NFKB1: variants seen among roughly 807,000 people sequenced by gnomAD.
NFKB1 encodes nuclear factor kappa B subunit 1.
In NFKB1, 9 loss-of-function variants were observed where a neutral mutation model predicts 105.1. The ratio of observed to expected loss-of-function variants is 0.09; its 90% confidence interval spans 0.05 to 0.15. The LOEUF (loss-of-function observed/expected upper bound fraction) is 0.15. Among genes scored for constraint, NFKB1 ranks in the 10% least tolerant of loss-of-function variants. The pLI, the probability that NFKB1 is intolerant of heterozygous loss-of-function variation, is 1.00. For missense variants in NFKB1, 830 were observed against 1,203.7 expected (o/e 0.69, Z 4.59); for synonymous variants, 440 against 442.2 (o/e 1.00, Z 0.06).
rs1382519896 is a variant in NFKB1 at position 102,529,900 on chromosome 4, T to C, written c.104T>C (p.Met35Thr). The C allele has an allele frequency of 1.9e-6, 3 of 1,609,788 alleles. No individual in the cohort carries two copies. The highest frequency in any genetic ancestry group is 2.5e-6 in the Non-Finnish European group (3 of 1,177,126). The change falls in exon 3 of 24, where the codon ATG (methionine) becomes ACG (threonine). Residue 35 changes from methionine to threonine, a missense_variant. Transcript: ENST00000226574. The part of the protein sequence containing the change: ...IFNPEVFQPQ[M>T]ALPTADGPYL... ...AATCCAGAAGTATTTCAACCACAGA[T>C]GGCACTGCCAACAGGTAAGAAAACT...
intron 5 of NFKB1, 81 bp from the exon 6 acceptor site, chr4:102,566,906 A>C: frequency 6.9e-7 from 1 of 1,444,014 alleles, no homozygotes; most frequent in Non-Finnish European, 9.6e-7. Context: ...TACTTTTTAT[A>C]CTTACTGGCT....
At position 102,582,976 on chromosome 4, in the gene NFKB1, T is replaced by G. The variant is rs1410724559; in HGVS notation, c.927+19T>G. ...TAGACAAGTAAGTGATTTATTATTA[T>G]TATTAATCCTTATTATTTTTAGAGA... On this transcript the variant is annotated intron_variant, in intron 10 of 23. Coordinates refer to ENST00000226574, the MANE Select transcript of NFKB1 (RefSeq NM_003998.4). 6.7e-7 allele frequency: 1 copy of G among 1,497,362 alleles called. No individual in the cohort carries two copies. The highest frequency in any genetic ancestry group is 1.7e-5 in the Admixed American group (1 of 59,222). The allele number at this position is 1,497,362 out of a possible 1,614,324, so 92.8% of individuals were successfully genotyped here. A position where few individuals can be genotyped will look rare whatever the true frequency, so the allele number is the denominator to read the frequency against.
At chr4:102,610,459 C>A in intron 19 of NFKB1, 116 bp from the exon 20 acceptor site, 1 of 969,358 alleles carries the variant, frequency 1.0e-6, no homozygotes, top group Non-Finnish European at 1.5e-6. Flanking sequence ...TAAAAATTAT[C>A]CAGGAGATTG....
chr4:102,509,025 A>G lies in NFKB1; in HGVS notation c.-8+7237A>G, dbSNP rs1013399308. Among the ~76,000 whole-genome samples, 10 of 152,322 alleles carry G rather than the reference A, an allele frequency of 6.6e-5. No homozygotes were observed. In the East Asian group the frequency reaches 1.9e-3, roughly 29 times the overall value. ...GGCAGACATTTCATAATGGATTATCATATTTTTGCTAAACTGGTAAGAATG... is the reference window on the plus strand; with the variant it reads ...GGCAGACATTTCATAATGGATTATCGTATTTTTGCTAAACTGGTAAGAATG... On this transcript the variant is annotated intron_variant, in intron 1 of 23. Transcript: ENST00000226574.
chr4:102,590,527 C>A (rs775591287), intron 11 of NFKB1, among the ~76,000 whole-genome samples: 6 of 152,118 alleles, frequency 3.9e-5, no homozygotes, highest in African/African-American at 1.2e-4. Flanking sequence ...TCTCAATACT[C>A]GAAACTTTTC....
chr4:102,525,392 A>G (rs541640299), intron 1 of NFKB1, 120 bp from the exon 2 acceptor site: 1 of 842,906 alleles, frequency 1.2e-6, no homozygotes, highest in South Asian at 1.8e-5. Context: ...TCTTCAAAAA[A>G]GGATTATATT....
intron 5 of NFKB1, among the ~76,000 whole-genome samples, chr4:102,551,444 G>A (rs1722602223): frequency 6.6e-6 from 1 of 151,762 alleles, no homozygotes; most frequent in South Asian, 2.1e-4. Context: ...TCACCTCCTG[G>A]CTAGATAGTC....
intron 3 of NFKB1, among the ~76,000 whole-genome samples, chr4:102,533,519 G>A (rs1386872673): frequency 6.6e-6 from 1 of 152,166 alleles, no homozygotes; most frequent in Non-Finnish European, 1.5e-5. Context: ...AAAATGCTTT[G>A]TTAGGAGACA....
chr4:102,553,689 T>G (rs1722787028), intron 5 of NFKB1, among the ~76,000 whole-genome samples: 1 of 152,198 alleles, frequency 6.6e-6, no homozygotes, highest in Non-Finnish European at 1.5e-5. Flanking sequence ...TTGAAGCATT[T>G]CTGACATATC....
At chr4:102,580,722 C>T in intron 9 of NFKB1, 83 bp downstream of exon 9, 1 of 1,073,270 alleles carries the variant, frequency 9.3e-7, no homozygotes. Context: ...AGTCACATTT[C>T]AGCAGTGGAC....
chr4:102,530,063 C>T (rs959353850), intron 3 of NFKB1, 149 bp downstream of exon 3: 21 of 620,284 alleles, frequency 3.4e-5, no homozygotes, highest in Non-Finnish European at 5.4e-5. Flanking sequence ...AACATACTTT[C>T]TTGAAATATA....
At position 102,576,867 on chromosome 4, in the gene NFKB1, T is replaced by A. The variant is rs1432417725; in HGVS notation, c.408-9T>A. ...GTTGTTGCTGCTGCTGTTACTGTTTTTTCTCCAGCTTCGCAAACCTGGGTA... is the reference window on the plus strand; with the variant it reads ...GTTGTTGCTGCTGCTGTTACTGTTTATTCTCCAGCTTCGCAAACCTGGGTA... On this transcript the variant is annotated splice_polypyrimidine_tract_variant and intron_variant, in intron 6 of 23. Coordinates refer to ENST00000226574, the MANE Select transcript of NFKB1 (RefSeq NM_003998.4). The A allele has an allele frequency of 2.5e-6, 4 of 1,602,338 alleles. No homozygotes were observed. The South Asian group carries it at 4.5e-5, about 18-fold the overall frequency.
intron 19 of NFKB1, among the ~76,000 whole-genome samples, chr4:102,609,158 C>CAAAAAAAAAAAAAGAAAA (rs372174091): frequency 1.0e-5 from 1 of 97,358 alleles, no homozygotes; most frequent in Non-Finnish European, 2.1e-5. Flanking sequence ...GACCCTGTCT[C>CAAAAAAAAAAAAAGAAAA]AAAAAAAAAA....
chr4:102,561,494 A>G (rs907068223), intron 5 of NFKB1, among the ~76,000 whole-genome samples: 7 of 152,160 alleles, frequency 4.6e-5, no homozygotes, highest in Admixed American at 1.3e-4. Context: ...ACTGTCATCT[A>G]TCAACACTCT....
At chr4:102,614,962 C>T (rs546610664) in intron 23 of NFKB1, among the ~76,000 whole-genome samples, 89 of 152,182 alleles carry the variant, frequency 5.8e-4, no homozygotes, top group African/African-American at 1.9e-3. Flanking sequence ...TCGTATGCGA[C>T]GCATCGAGTG....
Position 102,612,600 on chromosome 4 carries a change from C to T in NFKB1, c.2586C>T (p.Asn862=). 1 of 1,613,430 alleles carries T rather than the reference C, an allele frequency of 6.2e-7. No individual in the cohort carries two copies. Among genetic ancestry groups the T allele is most frequent in the Non-Finnish European group, 8.5e-7 (1 of 1,179,838 alleles). The change falls in exon 22 of 24, where the codon AAC becomes AAT. Residue 862 remains asparagine (N), a synonymous_variant. Transcript: ENST00000226574. The part of the protein sequence containing the change: ...SPAPSKTLMD[N]YEVSGGTVRE... ...CTCCTTCCAAAACACTTATGGACAA[C>T]TATGAGGTAACACCTTACCTTACAG...
At position 102,580,721 on chromosome 4, in the gene NFKB1, T is replaced by C. The variant is rs1226785741; in HGVS notation, c.835+82T>C. On this transcript the variant is annotated intron_variant, in intron 9 of 23. Transcript: ENST00000226574. ...TCTGAGTGTGTCTGTGAGTCACATT[T>C]CAGCAGTGGACAAGAAACATCCCTC... The C allele has an allele frequency of 4.5e-6, 5 of 1,102,426 alleles. No individual in the cohort carries two copies. In the East Asian group the frequency reaches 1.0e-4, roughly 22 times the overall value. The allele number at this position is 1,102,426 out of a possible 1,614,324, so 68.3% of individuals were successfully genotyped here.
At chr4:102,524,339 C>CTA (rs1048126201) in intron 1 of NFKB1, among the ~76,000 whole-genome samples, 1 of 152,060 alleles carries the variant, frequency 6.6e-6, no homozygotes, top group Admixed American at 6.6e-5. Context: ...AATCTGAGAC[C>CTA]TATAGCCTTG....
At chr4:102,542,499 T>G (rs991423024) in intron 5 of NFKB1, among the ~76,000 whole-genome samples, 1 of 149,134 alleles carries the variant, frequency 6.7e-6, no homozygotes, top group Admixed American at 6.7e-5. Flanking sequence ...TTTTGATAGC[T>G]CTCTCTCTCT....
Sources: gnomAD v4.1 joint callset for allele counts (sites outside exome capture counted in the v4.1 genomes callset) on GRCh38, gnomAD v4.1.1 for gene constraint, MANE v1.5 for transcripts, NCBI Gene and HGNC (gene_info 2026-07-23, HGNC 2026-07-21) for gene names.